SLC37A3: variants seen among roughly 807,000 people sequenced by gnomAD.
The protein encoded by SLC37A3 is solute carrier family 37 member 3, also known as sugar phosphate exchanger 3.
SLC37A3 carries 51 observed loss-of-function variants against 67.1 expected under a neutral mutation model. The ratio of observed to expected loss-of-function variants is 0.76; its 90% CI spans 0.61 to 0.96. The LOEUF (loss-of-function observed/expected upper bound fraction) is 0.96. SLC37A3 is among the 40% of genes least tolerant of loss of function. The probability of loss-of-function intolerance (pLI) is 0.00; values close to 1 mark genes in which losing one functional copy is unlikely to be tolerated. For synonymous variants in SLC37A3, 214 were observed against 231.4 expected, an observed-to-expected ratio of 0.92 and a Z score of 0.68; for missense variants, 508 against 603.0, an observed-to-expected ratio of 0.84 and a Z score of 1.65.
intron 2 of SLC37A3, among the ~76,000 whole-genome samples, chr7:140,381,661 G>A (rs1039620751): frequency 3.3e-5 from 5 of 152,050 alleles, no homozygotes; most frequent in African/African-American, 1.2e-4. Context: ...ATGGCCTGAT[G>A]TATGCTATGT....
rs1031530046 is a variant in SLC37A3 at position 140,336,822 on chromosome 7, G to A, written c.1392+462C>T. Among the ~76,000 whole-genome samples the A allele has an allele frequency of 3.9e-5, 6 of 152,102 alleles. No individual in the cohort carries two copies. The East Asian group carries it at 5.8e-4, about 15-fold the overall frequency. On this transcript the variant is annotated intron_variant, in intron 14 of 14. Coordinates refer to ENST00000326232, the MANE Select transcript of SLC37A3 (RefSeq NM_207113.3). ...CCTCACAAAGAAGAATGTGAAGTCA[G>A]GCGCAGTGGCTCCTGCCTGTAATCC...
At chr7:140,364,523 A>G (rs994638851) in intron 4 of SLC37A3, 32 bp from the exon 5 acceptor site, 9 of 1,592,508 alleles carry the variant, frequency 5.7e-6, no homozygotes, top group Non-Finnish European at 7.7e-6. Flanking sequence ...TTACAGCTCT[A>G]AATAATAACA....
At position 140,345,909 on chromosome 7, in the gene SLC37A3, C is replaced by G. The variant is rs777276285; in HGVS notation, c.1086G>C (p.Leu362=). 1.9e-6 allele frequency: 3 copies of G among 1,614,054 alleles called. No homozygotes were observed. The highest frequency in any genetic ancestry group is 2.5e-6 in the Non-Finnish European group (3 of 1,180,012). Residue 362 remains leucine, a synonymous_variant, in exon 11 of 15, where the codon CTG becomes CTC. Transcript: ENST00000326232. The part of the protein sequence containing the change: ...VLQKRAPVLA[L]SLLLAVGSLI... ...GGGACCCAACTGCCAGAAGCAGACTCAGGGCAAGAACCGGCGCTCTCTTCT... is the reference window on the plus strand; with the variant it reads ...GGGACCCAACTGCCAGAAGCAGACTGAGGGCAAGAACCGGCGCTCTCTTCT...
At chr7:140,366,345 G>A (rs1797600982) in intron 4 of SLC37A3, among the ~76,000 whole-genome samples, 1 of 152,094 alleles carries the variant, frequency 6.6e-6, no homozygotes. Context: ...CTGACCTCAG[G>A]TGATCTGCCC....
At chr7:140,338,995 G>A (rs1796250597) in intron 13 of SLC37A3, among the ~76,000 whole-genome samples, 1 of 151,988 alleles carries the variant, frequency 6.6e-6, no homozygotes, top group African/African-American at 2.4e-5. Flanking sequence ...AACCTCAGGT[G>A]ATCCACCCAC....
intron 12 of SLC37A3, 192 bp from the exon 13 acceptor site, chr7:140,343,755 T>G: frequency 1.7e-6 from 1 of 574,646 alleles, no homozygotes; most frequent in Non-Finnish European, 3.0e-6. Flanking sequence ...CCTTCTCGAA[T>G]TATGTGACAC....
chr7:140,343,608 C>T, intron 12 of SLC37A3, 45 bp from the exon 13 acceptor site: 1 of 1,597,280 alleles, frequency 6.3e-7, no homozygotes, highest in Non-Finnish European at 8.6e-7. Context: ...TTCACAACCA[C>T]TAGCAATCTA....
chr7:140,362,020 G>A (rs995670861), intron 5 of SLC37A3, among the ~76,000 whole-genome samples: 4 of 125,700 alleles, frequency 3.2e-5, no homozygotes, highest in African/African-American at 1.2e-4. Flanking sequence ...CATCGTCTGG[G>A]ATATGAGGAG....
At position 140,364,556 on chromosome 7, in the gene SLC37A3, C is replaced by T. The variant is rs1797523774; in HGVS notation, c.292-65G>A. On this transcript the variant is annotated intron_variant, in intron 4 of 14. Transcript: ENST00000326232. The stretch of plus-strand genomic sequence containing the variant: ...ACACAGTATGAAAAAGTAACATGCA[C>T]TGCAAAGCAAATGAGACAAACACAG... The T allele has an allele frequency of 1.5e-5, 21 of 1,420,276 alleles. No individual in the cohort carries two copies. The South Asian group carries it at 2.2e-4, about 15-fold the overall frequency. 88.0% of individuals were successfully genotyped at this position (1,420,276 alleles called of 1,614,324 possible). A position where few individuals can be genotyped will look rare whatever the true frequency, so the allele number is the denominator to read the frequency against.
rs375187061 is a variant in SLC37A3, at chr7:140,351,389, C to A, written c.766G>T (p.Gly256Cys). The change falls in exon 9 of 15, where the codon GGT (glycine) becomes TGT (cysteine). Residue 256 changes from glycine (G) to cysteine (C), a missense_variant. Transcript: ENST00000326232. Reference protein sequence around the residue: ...EEDSHRPLINGGENEDEYEPN... With the variant: ...EEDSHRPLINCGENEDEYEPN... ...TCATATTCGTCTTCATTTTCACCAC[C>A]ATTAATTAATGGCCTGTGTGAGTCT... 26 of 1,614,066 alleles carry A rather than the reference C, an allele frequency of 1.6e-5. No homozygotes were observed. Among genetic ancestry groups the A allele is most frequent in the Non-Finnish European group, 2.0e-5 (24 of 1,180,048 alleles).
chr7:140,396,165 G>A (rs1412547923), intron 1 of SLC37A3, among the ~76,000 whole-genome samples: 2 of 151,608 alleles, frequency 1.3e-5, no homozygotes, highest in African/African-American at 4.8e-5. Flanking sequence ...GACTACAGGT[G>A]GGCACCATCA....
chr7:140,336,956 G>A (rs573056443), intron 14 of SLC37A3, among the ~76,000 whole-genome samples: 3 of 151,808 alleles, frequency 2.0e-5, no homozygotes, highest in Admixed American at 1.3e-4. Context: ...AAAATTAGCC[G>A]GGTGTGGTGG....
intron 10 of SLC37A3, 194 bp downstream of exon 10, chr7:140,348,432 G>C (rs961538383): frequency 1.0e-5 from 6 of 573,628 alleles, no homozygotes; most frequent in Admixed American, 4.1e-5. Flanking sequence ...CCTTTCTATG[G>C]ACCTCTTGTT....
chr7:140,346,266 G>A (rs1477978243), intron 10 of SLC37A3, among the ~76,000 whole-genome samples: 1 of 152,162 alleles, frequency 6.6e-6, no homozygotes, highest in Non-Finnish European at 1.5e-5. Context: ...TGTAGTCCCA[G>A]CTACTCAGGA....
At chr7:140,344,516 G>T (rs1019432773) in intron 12 of SLC37A3, among the ~76,000 whole-genome samples, 1 of 151,992 alleles carries the variant, frequency 6.6e-6, no homozygotes, top group Non-Finnish European at 1.5e-5. Flanking sequence ...AGCATTTTGG[G>T]AGGCCAAGGC....
Position 140,351,324 on chromosome 7 carries a change from T to G in SLC37A3, c.831A>C (p.Gln277His). 4 of 1,614,166 alleles carry G rather than the reference T, an allele frequency of 2.5e-6. No homozygotes were observed. Among genetic ancestry groups the G allele is most frequent in the Non-Finnish European group, 3.4e-6 (4 of 1,180,018 alleles). Residue 277 changes from glutamine (Q) to histidine (H), a missense_variant, in exon 9 of 15, where the codon CAA becomes CAC. Gln to His is a conservative substitution (Grantham distance 24). Transcript: ENST00000326232. The part of the protein sequence containing the change: ...YSIQDDSSVA[Q>H]VKAISFYQAC... ...CCTGGTAGAAGCTTATCGCCTTGAC[T>G]TGGGCAACAGAACTATCATCTTGGA...
At chr7:140,345,177 A>T (rs376376809) in intron 12 of SLC37A3, 39 bp downstream of exon 12, 10 of 1,575,006 alleles carry the variant, frequency 6.3e-6, no homozygotes, top group Non-Finnish European at 8.7e-6. Flanking sequence ...GAATTTACAG[A>T]GCAACAGAAG....
intron 14 of SLC37A3, among the ~76,000 whole-genome samples, chr7:140,336,661 G>A (rs1050241796): frequency 6.6e-6 from 1 of 152,186 alleles, no homozygotes; most frequent in East Asian, 1.9e-4. Flanking sequence ...ATATTCAGCA[G>A]ATAGAGGGTA....
chr7:140,362,730 G>A (rs1797396134), intron 5 of SLC37A3, among the ~76,000 whole-genome samples: 1 of 90,540 alleles, frequency 1.1e-5, no homozygotes, highest in African/African-American at 4.1e-5. Context: ...GGGAGGTGGG[G>A]GGTCAGCCCC....
Sources: allele counts gnomAD v4.1 joint callset (sites outside exome capture counted in the v4.1 genomes callset), GRCh38; gene constraint gnomAD v4.1.1; transcripts MANE v1.5; gene names NCBI Gene and HGNC (gene_info 2026-07-23, HGNC 2026-07-21).